Variants in BEST1 observed in about 807,000 individuals in gnomAD.
BEST1 encodes bestrophin-1.
In BEST1, 58 loss-of-function variants were observed where a neutral mutation model predicts 63.3. The ratio of observed to expected loss-of-function variants is 0.92; its 90% CI spans 0.74 to 1.14. BEST1 has a LOEUF of 1.14. Among genes scored for constraint, BEST1 ranks in the 50% most tolerant of loss-of-function variants. The pLI is 0.00. For synonymous variants in BEST1, 283 were observed against 291.6 expected (o/e 0.97, Z 0.30); for missense variants, 671 against 740.1 (o/e 0.91, Z 1.08).
chr11:61,952,783 G>A (rs1940850125), intron 2 of BEST1, among the ~76,000 whole-genome samples: 1 of 151,838 alleles, frequency 6.6e-6, no homozygotes, highest in Non-Finnish European at 1.5e-5. Flanking sequence ...AGCCCACATG[G>A]TACATTTTTT....
rs767436221 is a variant in BEST1, at chr11:61,962,847, A to G, written c.1693A>G (p.Thr565Ala). The part of the protein sequence containing the change: ...PLEQSPTNIH[T>A]TLKDHMDPYW... ...GGAACAATCACCAACCAACATACACACTACACTCAAAGATCACATGGATCC... is the reference window on the plus strand; with the variant it reads ...GGAACAATCACCAACCAACATACACGCTACACTCAAAGATCACATGGATCC... Residue 565 changes from threonine (T) to alanine (A), a missense_variant, in exon 10 of 11, where the codon ACT (threonine) becomes GCT (alanine). Physicochemically the swap from Thr to Ala is moderately conservative, Grantham distance 58. Coordinates refer to ENST00000378043, the MANE Select transcript of BEST1 (RefSeq NM_004183.4). 26 of 1,613,950 alleles carry G rather than the reference A, an allele frequency of 1.6e-5. No homozygotes were observed. Among genetic ancestry groups the G allele is most frequent in the Non-Finnish European group, 2.1e-5 (25 of 1,180,026 alleles).
intron 7 of BEST1, chr11:61,959,049 G>C (rs568320365): frequency 3.6e-6 from 1 of 276,800 alleles, no homozygotes; most frequent in African/African-American, 2.2e-5. Context: ...GATGTCCCCT[G>C]GACCCCTAAG....
At position 61,956,084 on chromosome 11, in the gene BEST1, A is replaced by G. The variant is rs195164; in HGVS notation, c.481+133A>G. Reference sequence around the variant, plus strand: ...TTGGGTGGAGCCAGGAGTGGGGTGTAGTCAAGATTTGGGGGTCCAATTGGG... The same window carrying G: ...TTGGGTGGAGCCAGGAGTGGGGTGTGGTCAAGATTTGGGGGTCCAATTGGG... On this transcript the variant is annotated intron_variant, in intron 4 of 10. Transcript: ENST00000378043. 851,613 of 929,450 alleles carry G rather than the reference A, an allele frequency of 0.92. 390,929 individuals are homozygous for G. The highest frequency in any genetic ancestry group is 1 in the East Asian group (37,760 of 37,776). 57.6% of individuals were successfully genotyped at this position (929,450 alleles called of 1,614,324 possible).
rs561120050 is a variant in BEST1, at chr11:61,952,179, G to A, written c.152+221G>A. On this transcript the variant is annotated intron_variant, in intron 2 of 10. Transcript: ENST00000378043. ...AGGCTGCTCAAGCCAGGCCAGCAGG[G>A]TTTTAGCCACCCTTCCTCCAACCCC... 5.3e-5 allele frequency among the ~76,000 whole-genome samples: 8 copies of A among 152,264 alleles called. No homozygotes were observed. The East Asian group carries it at 1.5e-3, about 29-fold the overall frequency.
At chr11:61,950,215 T>C (rs1278861624), upstream of BEST1, 1 of 152,696 alleles carries the variant, frequency 6.5e-6, no homozygotes, top group Non-Finnish European at 1.5e-5. Flanking sequence ...TGCTAGCCGT[T>C]GCTTCTGAGC....
chr11:61,956,832 T>G lies in BEST1; in HGVS notation c.482-12T>G, dbSNP rs1265295329. 6.2e-7 allele frequency: 1 copy of G among 1,614,000 alleles called. No homozygotes were observed. The highest frequency in any genetic ancestry group is 1.7e-5 in the Admixed American group (1 of 60,012). On this transcript the variant is annotated splice_polypyrimidine_tract_variant and intron_variant, in intron 4 of 10. Transcript: ENST00000378043. The stretch of plus-strand genomic sequence containing the variant: ...TTCTCCCACCCACCGCCTTCTTCAC[T>G]CCACTCTGCAGGCTTTATGACTCCG...
Position 61,960,058 on chromosome 11 carries a change from AG to A in BEST1, c.1100+20del. On this transcript the variant is annotated intron_variant, in intron 9 of 10. Coordinates refer to ENST00000378043, the MANE Select transcript of BEST1 (RefSeq NM_004183.4). ...TTCAACATCAGGTGTGGCCAGAGCC[AG>A]GGGGCTGGGTGGGAAGCCCCTCCTA... The A allele has an allele frequency of 6.2e-7, 1 of 1,604,536 alleles. No homozygotes were observed.
In BEST1 at chr11:61,962,712, G is replaced by A. The variant is rs61747600; in HGVS notation, c.1558G>A (p.Asp520Asn). 5 of 1,614,032 alleles carry A rather than the reference G, an allele frequency of 3.1e-6. No homozygotes were observed. The highest frequency in any genetic ancestry group is 1.6e-4 in the Middle Eastern group (1 of 6,082). Residue 520 changes from aspartate to asparagine, a missense_variant, in exon 10 of 11, where the codon GAT becomes AAT. Coordinates refer to ENST00000378043, the MANE Select transcript of BEST1 (RefSeq NM_004183.4). Reference sequence around the variant, plus strand: ...AAGTTTTGAATTGCTCTCAGAGAGCGATGGGGCCTTGATGGAGCACCCAGA... The same window carrying A: ...AAGTTTTGAATTGCTCTCAGAGAGCAATGGGGCCTTGATGGAGCACCCAGA... The part of the protein sequence containing the change: ...KKSFELLSES[D>N]GALMEHPEVS...
At chr11:61,953,186 A>C (rs985303333) in intron 2 of BEST1, among the ~76,000 whole-genome samples, 2 of 152,236 alleles carry the variant, frequency 1.3e-5, no homozygotes, top group Admixed American at 1.3e-4. Context: ...TAATGATTAC[A>C]TGGATTGTAA....
rs2668898 is a variant in BEST1, at chr11:61,958,026, A to T, written c.715-120A>T. The T allele has an allele frequency of 1.2e-3, 1,763 of 1,521,660 alleles. 15 individuals are homozygous for T. The African/African-American group carries it at 0.017, about 15-fold the overall frequency. 94.3% of individuals were successfully genotyped at this position (1,521,660 alleles called of 1,614,324 possible). A position where few individuals can be genotyped will look rare whatever the true frequency, so the allele number is the denominator to read the frequency against. On this transcript the variant is annotated intron_variant, in intron 6 of 10. Transcript: ENST00000378043. ...GGGGTTAACAGAGCCCCTAAGTCAC[A>T]TAAGTGTGCAAGTCAGAACAAGGCC...
intron 3 of BEST1, 41 bp downstream of exon 3, chr11:61,955,242 C>T (rs749267941): frequency 4.3e-6 from 7 of 1,614,114 alleles, no homozygotes; most frequent in Non-Finnish European, 5.9e-6. Context: ...CCTGTGGCCG[C>T]CCAGGCTCCA....
At chr11:61,957,843 G>A (rs971581842) in intron 6 of BEST1, among the ~76,000 whole-genome samples, 4 of 152,104 alleles carry the variant, frequency 2.6e-5, no homozygotes, top group Non-Finnish European at 5.9e-5. Context: ...GTGTGGTGGT[G>A]CACGCCTGTA....
intron 6 of BEST1, among the ~76,000 whole-genome samples, 162 bp from the exon 7 acceptor site, chr11:61,957,984 A>ACAAACAAT (rs1555100759): frequency 2.6e-5 from 4 of 151,286 alleles, no homozygotes; most frequent in Non-Finnish European, 5.9e-5. Context: ...AAACAAACAA[A>ACAAACAAT]CAAACAAACA....
At chr11:61,956,078 G>C in intron 4 of BEST1, 127 bp downstream of exon 4, 1 of 1,021,750 alleles carries the variant, frequency 9.8e-7, no homozygotes. Context: ...GCCAGGAGTG[G>C]GGTGTAGTCA....
At chr11:61,960,310 G>A in intron 9 of BEST1, 1 of 572,408 alleles carries the variant, frequency 1.7e-6, no homozygotes, top group East Asian at 3.0e-5. Context: ...GCTACTCGAA[G>A]GACAGCCTGT....
chr11:61,960,289 A>G (rs755035920), intron 9 of BEST1: 87 of 589,938 alleles, frequency 1.5e-4, no homozygotes, highest in Non-Finnish European at 2.3e-4. Context: ...TAGCTACCAA[A>G]TGGTGCATTT....
At chr11:61,955,238 G>GC in intron 3 of BEST1, 37 bp downstream of exon 3, 2 of 1,612,684 alleles carry the variant, frequency 1.2e-6, no homozygotes, top group Non-Finnish European at 1.7e-6. Flanking sequence ...GGTCCCTGTG[G>GC]CCGCCCAGGC....
Position 61,956,079 on chromosome 11 carries a change from G to A in BEST1, c.481+128G>A, listed in dbSNP as rs1475583432. On this transcript the variant is annotated intron_variant, in intron 4 of 10. Transcript: ENST00000378043. ...GGGGATTGGGTGGAGCCAGGAGTGGGGTGTAGTCAAGATTTGGGGGTCCAA... is the reference window on the plus strand; with the variant it reads ...GGGGATTGGGTGGAGCCAGGAGTGGAGTGTAGTCAAGATTTGGGGGTCCAA... 8 of 1,007,774 alleles carry A rather than the reference G, an allele frequency of 7.9e-6. No homozygotes were observed. In the Admixed American group the frequency reaches 1.8e-4, roughly 22 times the overall value. The allele number at this position is 1,007,774 out of a possible 1,614,324, so 62.4% of individuals were successfully genotyped here. A position where few individuals can be genotyped will look rare whatever the true frequency, so the allele number is the denominator to read the frequency against.
intron 3 of BEST1, 190 bp from the exon 4 acceptor site, chr11:61,955,528 C>G: frequency 9.9e-7 from 1 of 1,015,104 alleles, no homozygotes; most frequent in East Asian, 2.6e-5. Context: ...GGTGACAGAA[C>G]CCTTGGGGCT....
Sources: gnomAD v4.1 joint callset for allele counts (sites outside exome capture counted in the v4.1 genomes callset) on GRCh38, gnomAD v4.1.1 for gene constraint, MANE v1.5 for transcripts, NCBI Gene and HGNC (gene_info 2026-07-23, HGNC 2026-07-21) for gene names.